Variants in CELF2 observed in about 807,000 individuals in gnomAD.
CELF2 encodes the protein CUGBP Elav-like family member 2, also known as CUG triplet repeat RNA-binding protein 2.
A neutral mutation model predicts 62.6 loss-of-function variants in CELF2; 8 were observed. The observed-to-expected ratio is 0.13, with a 90% CI of 0.07 to 0.23. The LOEUF (loss-of-function observed/expected upper bound fraction) is 0.23. Ranked by LOEUF, CELF2 falls within the 10% of genes least tolerant of loss-of-function variation. CELF2 has a pLI of 1.00. For synonymous variants in CELF2, 258 were observed against 250.0 expected (o/e 1.03, Z -0.30); for missense variants, 333 against 671.0 (o/e 0.50, Z 5.56).
chr10:11,317,054 G>C (rs979326647), intron 10 of CELF2: 1 of 152,012 alleles, frequency 6.6e-6, no homozygotes, highest in Non-Finnish European at 1.5e-5. Flanking sequence ...CCACCCAAGA[G>C]TCTGTATCTG....
chr10:10,553,633 G>A, the CELF2 span, among the ~76,000 whole-genome samples: 1 of 152,166 alleles, frequency 6.6e-6, no homozygotes, highest in Non-Finnish European at 1.5e-5. Flanking sequence ...AGATGAGAGA[G>A]GGGTGACCTA....
chr10:10,860,051 C>T (rs1249065350), intron 1 of CELF2, among the ~76,000 whole-genome samples: 1 of 151,994 alleles, frequency 6.6e-6, no homozygotes, highest in South Asian at 2.1e-4. Flanking sequence ...GTTAAGGTAT[C>T]TTTTTATGAA....
At chr10:11,304,981 C>T (rs959854301) in intron 9 of CELF2, among the ~76,000 whole-genome samples, 1 of 152,170 alleles carries the variant, frequency 6.6e-6, no homozygotes, top group Non-Finnish European at 1.5e-5. Context: ...CCAGGAATGG[C>T]GCTGTTTGAA....
chr10:11,065,567 G>C (rs931810940), intron 1 of CELF2, among the ~76,000 whole-genome samples: 16 of 152,190 alleles, frequency 1.1e-4, no homozygotes, highest in Non-Finnish European at 8.8e-5. Flanking sequence ...TCAAAATGAG[G>C]GGGGGATCCC....
chr10:10,896,865 A>G (rs1470573935), intron 1 of CELF2, among the ~76,000 whole-genome samples: 1 of 152,204 alleles, frequency 6.6e-6, no homozygotes, highest in Non-Finnish European at 1.5e-5. Flanking sequence ...TGATAAACCC[A>G]TTCTGAAGTT....
At chr10:10,781,435 GGA>G in the CELF2 span, among the ~76,000 whole-genome samples, 1 of 152,162 alleles carries the variant, frequency 6.6e-6, no homozygotes, top group Non-Finnish European at 1.5e-5. Flanking sequence ...ACATGGCTGG[GGA>G]GGCCTCACAA....
the CELF2 span, among the ~76,000 whole-genome samples, chr10:10,561,380 G>T: frequency 2.0e-5 from 3 of 152,278 alleles, no homozygotes; most frequent in African/African-American, 4.8e-5. Context: ...ACATAGTCAT[G>T]CTCCATTTCC....
chr10:11,006,198 G>A (rs886796370), intron 1 of CELF2, among the ~76,000 whole-genome samples: 2 of 152,204 alleles, frequency 1.3e-5, no homozygotes, highest in African/African-American at 4.8e-5. Flanking sequence ...AATGGGACCG[G>A]TTGAACAATG....
chr10:11,015,006 G>T (rs189963249), upstream of CELF2, among the ~76,000 whole-genome samples: 112 of 152,252 alleles, frequency 7.4e-4, no homozygotes, highest in Non-Finnish European at 1.4e-3. The surrounding 1 kb of genome is among the most constrained non-coding windows in gnomAD (Gnocchi z 4.8). Flanking sequence ...CATATCCACG[G>T]GTGGGGCCAG....
chr10:10,463,806 C>T, the CELF2 span, among the ~76,000 whole-genome samples: 53,036 of 151,872 alleles, frequency 0.35, 9,960 homozygotes, highest in Admixed American at 0.43. Context: ...GCAAGGAATA[C>T]ATTTTGCTTT....
In CELF2 at chr10:10,930,208, T is replaced by G. The variant is rs192117487; in HGVS notation, c.89+10209T>G. ...ACTCACTGTGTGACCTATTTAGACTTCTCAGATTCTTCTTATGGTAGACTG... is the reference window on the plus strand; with the variant it reads ...ACTCACTGTGTGACCTATTTAGACTGCTCAGATTCTTCTTATGGTAGACTG... On this transcript the variant is annotated intron_variant, in intron 2 of 13. Transcript: ENST00000636488. Among the ~76,000 whole-genome samples, 15 of 152,320 alleles carry G rather than the reference T, an allele frequency of 9.8e-5. No homozygotes were observed. The East Asian group carries it at 2.7e-3, about 27-fold the overall frequency.
At chr10:10,896,071 C>T (rs962288437) in intron 1 of CELF2, among the ~76,000 whole-genome samples, 2 of 152,082 alleles carry the variant, frequency 1.3e-5, no homozygotes, top group African/African-American at 4.8e-5. Flanking sequence ...AGAAAGTCCC[C>T]CTTTAGTACT....
At chr10:10,513,249 C>T in the CELF2 span, among the ~76,000 whole-genome samples, 1 of 151,798 alleles carries the variant, frequency 6.6e-6, no homozygotes, top group South Asian at 2.1e-4. Context: ...CTGAAGAAGT[C>T]GTATCACTCT....
At chr10:10,632,900 A>T in the CELF2 span, among the ~76,000 whole-genome samples, 1 of 152,224 alleles carries the variant, frequency 6.6e-6, no homozygotes, top group Non-Finnish European at 1.5e-5. Flanking sequence ...ATAAGATGCC[A>T]ACTGTTCTGA....
intron 2 of CELF2, among the ~76,000 whole-genome samples, chr10:10,932,119 G>A (rs75173071): frequency 1.3e-5 from 2 of 152,208 alleles, no homozygotes; most frequent in East Asian, 3.9e-4. Context: ...CATTACTAAT[G>A]ACATCCTTGA....
At chr10:10,549,849 G>A in the CELF2 span, among the ~76,000 whole-genome samples, 3 of 152,158 alleles carry the variant, frequency 2.0e-5, no homozygotes, top group Non-Finnish European at 4.4e-5. Context: ...GCTCATAAAA[G>A]GTAGGTTCCC....
chr10:10,722,288 G>T, the CELF2 span, among the ~76,000 whole-genome samples: 1 of 151,950 alleles, frequency 6.6e-6, no homozygotes. Context: ...ACTCCAGTCT[G>T]GGCAACAAAG....
At position 10,927,143 on chromosome 10, in the gene CELF2, T is replaced by C. The variant is rs553803621; in HGVS notation, c.89+7144T>C. ...TCCAGCTCCATGATTTTAAAGATCA[T>C]CTTTATGCAGATGGTTCTCATTCAT... On this transcript the variant is annotated intron_variant, in intron 2 of 13. Coordinates refer to the CELF2 transcript ENST00000636488. 9 of 152,154 alleles carry C rather than the reference T, an allele frequency of 5.9e-5. No homozygotes were observed. In the East Asian group the frequency reaches 1.6e-3, roughly 26 times the overall value. The allele number at this position is 152,154 out of a possible 1,614,324, so 9.4% of individuals were successfully genotyped here.
chr10:10,644,519 G>A, the CELF2 span, among the ~76,000 whole-genome samples: 1 of 151,978 alleles, frequency 6.6e-6, no homozygotes, highest in African/African-American at 2.4e-5. Context: ...CAGCAGGCAC[G>A]TCACACTGAA....
Sources: allele counts gnomAD v4.1 joint callset (sites outside exome capture counted in the v4.1 genomes callset), GRCh38; gene constraint gnomAD v4.1.1; non-coding constraint Gnocchi (gnomAD v3.1); transcripts MANE v1.5; gene names NCBI Gene and HGNC (gene_info 2026-07-23, HGNC 2026-07-21).